Variants in CACNA2D1 observed in about 807,000 individuals in gnomAD.
CACNA2D1 encodes the protein calcium voltage-gated channel auxiliary subunit alpha2delta 1.
A neutral mutation model predicts 171.5 loss-of-function variants in CACNA2D1; 53 were observed. The ratio of observed to expected loss-of-function variants is 0.31; its 90% confidence interval spans 0.25 to 0.39. The LOEUF (loss-of-function observed/expected upper bound fraction) is 0.39, where lower values mean the gene tolerates loss of function less well. Ranked by LOEUF, CACNA2D1 falls within the 10% of genes least tolerant of loss-of-function variation. The pLI, the probability that CACNA2D1 is intolerant of heterozygous loss-of-function variation, is 1.00. For missense variants in CACNA2D1, 903 were observed against 1,299.8 expected, an observed-to-expected ratio of 0.69 and a Z score of 4.69; for synonymous variants, 442 against 443.1, an observed-to-expected ratio of 1.00 and a Z score of 0.03.
rs576667376 is a variant in CACNA2D1, at chr7:82,400,773, A to G, written c.95+42592T>C. On this transcript the variant is annotated intron_variant, in intron 1 of 38. Coordinates refer to ENST00000356860, the MANE Select transcript of CACNA2D1 (RefSeq NM_000722.4). ...TACCATCAGAGTGAACAGGCAACCT[A>G]CAAAATGGGAGAAAATTTTTGCAAC... 6.6e-5 allele frequency among the ~76,000 whole-genome samples: 10 copies of G among 151,236 alleles called. No homozygotes were observed. The East Asian group carries it at 2.0e-3, about 30-fold the overall frequency.
chr7:82,228,600 G>A (rs929352), intron 3 of CACNA2D1, among the ~76,000 whole-genome samples: 139,458 of 152,246 alleles, frequency 0.92, 63,939 homozygotes, highest in East Asian at 1. Flanking sequence ...ATGACTTCAT[G>A]AAGTATTTAA....
At chr7:82,372,522 T>C (rs961194375) in intron 1 of CACNA2D1, among the ~76,000 whole-genome samples, 1 of 135,762 alleles carries the variant, frequency 7.4e-6, no homozygotes, top group Non-Finnish European at 1.7e-5. Flanking sequence ...ATAAGTCACT[T>C]ACAAAACTGA....
intron 4 of CACNA2D1, among the ~76,000 whole-genome samples, chr7:82,138,609 G>A (rs1222326956): frequency 1.3e-5 from 2 of 151,684 alleles, no homozygotes; most frequent in South Asian, 2.1e-4. Flanking sequence ...ACCATGCCCC[G>A]CTAATTTTTT....
At chr7:82,303,468 A>AC (rs1452803771) in intron 3 of CACNA2D1, among the ~76,000 whole-genome samples, 1 of 151,654 alleles carries the variant, frequency 6.6e-6, no homozygotes, top group Non-Finnish European at 1.5e-5. Context: ...AAAAAAAAAA[A>AC]CTCAAGTAGC....
intron 1 of CACNA2D1, among the ~76,000 whole-genome samples, chr7:82,398,649 C>T (rs1223924106): frequency 1.3e-5 from 2 of 151,280 alleles, no homozygotes; most frequent in Non-Finnish European, 2.9e-5. Flanking sequence ...ATAATCATAG[C>T]TCACTGCAGC....
chr7:82,336,759 AAACAGATAAACCAC>A (rs1413182453), intron 2 of CACNA2D1, among the ~76,000 whole-genome samples: 1 of 152,236 alleles, frequency 6.6e-6, no homozygotes, highest in Non-Finnish European at 1.5e-5. Context: ...TTTGAGGTAC[AAACAGATAAACCAC>A]AACATCACTT....
At chr7:82,086,508 A>T (rs934916902) in intron 6 of CACNA2D1, among the ~76,000 whole-genome samples, 2 of 152,186 alleles carry the variant, frequency 1.3e-5, no homozygotes, top group African/African-American at 4.8e-5. Context: ...TCCAATGAAC[A>T]CTAAGCAGCC....
Position 82,279,731 on chromosome 7 carries a change from G to A in CACNA2D1, c.294+55404C>T, listed in dbSNP as rs565146966. Among the ~76,000 whole-genome samples, 4 of 152,204 alleles carry A rather than the reference G, an allele frequency of 2.6e-5. No individual in the cohort carries two copies. The South Asian group carries it at 8.3e-4, about 32-fold the overall frequency. ...CCTTTAATAGTTCCTTTTAATAACTGATCTGTTGTTAAGATTTGAAAAAAT... is the reference window on the plus strand; with the variant it reads ...CCTTTAATAGTTCCTTTTAATAACTAATCTGTTGTTAAGATTTGAAAAAAT... On this transcript the variant is annotated intron_variant, in intron 3 of 38. Coordinates refer to ENST00000356860, the MANE Select transcript of CACNA2D1 (RefSeq NM_000722.4).
chr7:82,345,714 G>GTC (rs1819169343), intron 2 of CACNA2D1, among the ~76,000 whole-genome samples: 1 of 147,692 alleles, frequency 6.8e-6, no homozygotes, highest in Non-Finnish European at 1.5e-5. Flanking sequence ...GTGTGTGTGT[G>GTC]TGTTTAGAAA....
intron 38 of CACNA2D1, among the ~76,000 whole-genome samples, chr7:81,957,299 T>A (rs1412914721): frequency 1.3e-5 from 2 of 152,158 alleles, no homozygotes; most frequent in Non-Finnish European, 2.9e-5. Flanking sequence ...GAAATGTACA[T>A]GCCATTTGAA....
intron 1 of CACNA2D1, among the ~76,000 whole-genome samples, chr7:82,353,295 T>A (rs1015880895): frequency 6.6e-6 from 1 of 152,010 alleles, no homozygotes; most frequent in African/African-American, 2.4e-5. Context: ...AGGAAGAATA[T>A]GGGATGATTA....
chr7:82,433,362 A>T (rs1257809801), intron 1 of CACNA2D1, among the ~76,000 whole-genome samples: 1 of 151,548 alleles, frequency 6.6e-6, no homozygotes, highest in African/African-American at 2.4e-5. Context: ...TGAAAGAAAA[A>T]CTCTAGTCCA....
At chr7:82,054,822 T>C (rs1471410821) in intron 10 of CACNA2D1, among the ~76,000 whole-genome samples, 3 of 152,174 alleles carry the variant, frequency 2.0e-5, no homozygotes, top group Non-Finnish European at 2.9e-5. Context: ...AAGATTTTCA[T>C]CTGCAGTGAT....
At chr7:82,360,477 T>A (rs1017092243) in intron 1 of CACNA2D1, among the ~76,000 whole-genome samples, 1 of 152,182 alleles carries the variant, frequency 6.6e-6, no homozygotes, top group Non-Finnish European at 1.5e-5. Context: ...CCATTTATTT[T>A]ACTTACAACC....
At chr7:82,186,504 A>G (rs1797798492) in intron 3 of CACNA2D1, among the ~76,000 whole-genome samples, 1 of 152,204 alleles carries the variant, frequency 6.6e-6, no homozygotes, top group Non-Finnish European at 1.5e-5. Context: ...CAGGGTATTT[A>G]CTTCCTGCCA....
chr7:82,031,134 T>A (rs200700965), intron 12 of CACNA2D1, among the ~76,000 whole-genome samples: 1 of 151,666 alleles, frequency 6.6e-6, no homozygotes, highest in Non-Finnish European at 1.5e-5. Flanking sequence ...TTTTTTTTTT[T>A]AATCCAGAGA....
chr7:82,056,485 C>T (rs1263701446), intron 10 of CACNA2D1, among the ~76,000 whole-genome samples: 6 of 152,104 alleles, frequency 3.9e-5, no homozygotes, highest in Non-Finnish European at 8.8e-5. Flanking sequence ...TGGAGATCAT[C>T]CAGCTCTGTA....
At chr7:82,066,646 C>A in intron 7 of CACNA2D1, 122 bp from the exon 8 acceptor site, 1 of 1,367,056 alleles carries the variant, frequency 7.3e-7, no homozygotes, top group South Asian at 1.5e-5. Flanking sequence ...CTTCAATGTT[C>A]AAATGAGAGA....
intron 4 of CACNA2D1, among the ~76,000 whole-genome samples, chr7:82,147,566 G>C (rs1258615270): frequency 2.0e-5 from 3 of 151,916 alleles, no homozygotes; most frequent in African/African-American, 7.3e-5. Context: ...CATTTCTTAT[G>C]TTTCTTCCTA....
Sources: allele counts gnomAD v4.1 joint callset (sites outside exome capture counted in the v4.1 genomes callset), GRCh38; gene constraint gnomAD v4.1.1; transcripts MANE v1.5; gene names NCBI Gene and HGNC (gene_info 2026-07-23, HGNC 2026-07-21).